NRXN1: variants seen among roughly 807,000 people sequenced by gnomAD.
NRXN1 encodes the protein neurexin 1.
In NRXN1, 39 loss-of-function variants were observed where a neutral mutation model predicts 150.9. That is an observed-to-expected ratio of 0.26 (90% CI 0.20 to 0.34). The LOEUF (loss-of-function observed/expected upper bound fraction) is 0.34. Ranked by LOEUF, NRXN1 falls within the 10% of genes least tolerant of loss-of-function variation. The pLI is 1.00. For synonymous variants in NRXN1, 924 were observed against 757.0 expected (o/e 1.22, Z -3.62); for missense variants, 1,815 against 1,949.9 (o/e 0.93, Z 1.30).
chr2:50,941,819 A>T (rs766962926), intron 2 of NRXN1, among the ~76,000 whole-genome samples: 1 of 152,164 alleles, frequency 6.6e-6, no homozygotes, highest in African/African-American at 2.4e-5. Flanking sequence ...GAAGACAAAA[A>T]CTCATTTTCT....
At chr2:50,019,275 T>G in intron 21 of NRXN1, 1 of 471,494 alleles carries the variant, frequency 2.1e-6, no homozygotes, top group Non-Finnish European at 4.4e-6. Flanking sequence ...TCTCCATAAG[T>G]TTGAAAGCTG....
intron 5 of NRXN1, among the ~76,000 whole-genome samples, chr2:50,785,024 G>A (rs995899767): frequency 1.3e-5 from 2 of 151,978 alleles, no homozygotes; most frequent in African/African-American, 4.8e-5. Flanking sequence ...AGTTAAATGA[G>A]GTTATAATTA....
At chr2:49,948,867 C>A (rs1478088863) in intron 21 of NRXN1, among the ~76,000 whole-genome samples, 2 of 151,854 alleles carry the variant, frequency 1.3e-5, no homozygotes, top group African/African-American at 2.4e-5. Flanking sequence ...GAAGCATTAG[C>A]TTTACATAAC....
chr2:50,326,782 T>C (rs886405438), intron 17 of NRXN1, among the ~76,000 whole-genome samples: 5 of 152,188 alleles, frequency 3.3e-5, no homozygotes, highest in Non-Finnish European at 7.3e-5. Context: ...CCTAGGCTGT[T>C]CTTTGCTAAG....
At chr2:50,538,935 A>G (rs1304388269) in intron 9 of NRXN1, among the ~76,000 whole-genome samples, 2 of 152,344 alleles carry the variant, frequency 1.3e-5, no homozygotes, top group African/African-American at 2.4e-5. Context: ...GTATACATAC[A>G]TTAAAAATAA....
chr2:50,079,905 G>C (rs1361874811), intron 19 of NRXN1, among the ~76,000 whole-genome samples: 2 of 152,042 alleles, frequency 1.3e-5, no homozygotes, highest in African/African-American at 4.8e-5. Flanking sequence ...TACAGTTTCA[G>C]TTACCCACAG....
intron 5 of NRXN1, among the ~76,000 whole-genome samples, chr2:50,807,695 C>G (rs565070092): frequency 1.1e-4 from 17 of 152,226 alleles, no homozygotes; most frequent in African/African-American, 4.1e-4. Flanking sequence ...TCTGACCTAA[C>G]AATGATTCTG....
intron 5 of NRXN1, among the ~76,000 whole-genome samples, chr2:50,740,724 A>G (rs1231711101): frequency 6.6e-6 from 1 of 152,074 alleles, no homozygotes; most frequent in Non-Finnish European, 1.5e-5. Flanking sequence ...AATCTCCCCC[A>G]CTTTTTATGC....
intron 21 of NRXN1, among the ~76,000 whole-genome samples, chr2:49,981,196 C>A (rs1168925379): frequency 1.3e-5 from 2 of 152,088 alleles, no homozygotes; most frequent in East Asian, 3.9e-4. Flanking sequence ...ATACTATTCA[C>A]TTTGATCCAA....
At chr2:50,083,451 G>T (rs542676066) in intron 19 of NRXN1, among the ~76,000 whole-genome samples, 1 of 152,242 alleles carries the variant, frequency 6.6e-6, no homozygotes, top group African/African-American at 2.4e-5. Context: ...GTGGGTTCTT[G>T]GTCTCACTGA....
intron 2 of NRXN1, among the ~76,000 whole-genome samples, chr2:50,952,208 C>T (rs892112512): frequency 2.0e-5 from 3 of 151,486 alleles, no homozygotes; most frequent in Non-Finnish European, 3.0e-5. Flanking sequence ...CCTCGTGATC[C>T]GCCCGCCTCG....
chr2:50,718,394 G>T (rs1395392526), intron 5 of NRXN1, among the ~76,000 whole-genome samples: 2 of 152,108 alleles, frequency 1.3e-5, no homozygotes. Flanking sequence ...AGGCATGTTT[G>T]CAGAGTAAAG....
At chr2:50,884,199 G>GA (rs1379397323) in intron 5 of NRXN1, among the ~76,000 whole-genome samples, 1 of 151,644 alleles carries the variant, frequency 6.6e-6, no homozygotes, top group Non-Finnish European at 1.5e-5. Context: ...AAAACACTAA[G>GA]AAAAATCACT....
chr2:51,021,658 T>C (rs1669636412), intron 2 of NRXN1, among the ~76,000 whole-genome samples: 1 of 152,016 alleles, frequency 6.6e-6, no homozygotes, highest in Non-Finnish European at 1.5e-5. Flanking sequence ...ACCTATCTTA[T>C]CTGCAGCATA....
At chr2:50,427,819 T>C (rs1233536873) in intron 17 of NRXN1, among the ~76,000 whole-genome samples, 2 of 152,218 alleles carry the variant, frequency 1.3e-5, no homozygotes, top group African/African-American at 2.4e-5. Flanking sequence ...TCATGTCTTA[T>C]CCATTCCCAT....
intron 15 of NRXN1, among the ~76,000 whole-genome samples, chr2:50,475,143 G>T (rs544249617): frequency 6.6e-6 from 1 of 152,178 alleles, no homozygotes; most frequent in Non-Finnish European, 1.5e-5. Context: ...CAGGACTAAT[G>T]AATGTAGTAG....
At chr2:50,713,688 CA>C (rs201805301) in intron 5 of NRXN1, among the ~76,000 whole-genome samples, 8 of 149,492 alleles carry the variant, frequency 5.4e-5, no homozygotes, top group South Asian at 4.2e-4. Context: ...ACTTCGCAAA[CA>C]AAAAAAAACA....
intron 21 of NRXN1, among the ~76,000 whole-genome samples, chr2:49,959,065 T>C (rs1675468147): frequency 6.6e-6 from 1 of 152,242 alleles, no homozygotes; most frequent in South Asian, 2.1e-4. Flanking sequence ...GTAGTATATT[T>C]ATTTCTAAGC....
At chr2:50,725,417 A>C (rs1330971988) in intron 5 of NRXN1, among the ~76,000 whole-genome samples, 1 of 152,072 alleles carries the variant, frequency 6.6e-6, no homozygotes, top group Non-Finnish European at 1.5e-5. Context: ...ACTTAAGTAA[A>C]GTGATGGGTA....
Sources: allele counts gnomAD v4.1 joint callset (sites outside exome capture counted in the v4.1 genomes callset), GRCh38; gene constraint gnomAD v4.1.1; transcripts MANE v1.5; gene names NCBI Gene and HGNC (gene_info 2026-07-23, HGNC 2026-07-21).